FIZ1: variants seen among roughly 807,000 people sequenced by gnomAD.
FIZ1 encodes the protein FLT3 interacting zinc finger 1, also known as flt3-interacting zinc finger protein 1.
Under a neutral mutation model 5.3 loss-of-function variants are expected in FIZ1, and 2 were observed. That is an observed-to-expected ratio of 0.37 (90% CI 0.15 to 1.18). The LOEUF (loss-of-function observed/expected upper bound fraction) is 1.18, where lower values mean the gene tolerates loss of function less well. FIZ1 is among the 50% of genes most tolerant of loss of function. FIZ1 has a pLI of 0.37. For synonymous variants in FIZ1, 407 were observed against 364.2 expected (o/e 1.12, Z -1.34); for missense variants, 631 against 749.7 (o/e 0.84, Z 1.85).
chr19:55,591,900 G>A lies in FIZ1; in HGVS notation c.*550C>T, dbSNP rs1980019784. 6.5e-6 allele frequency: 1 copy of A among 153,178 alleles called. No individual in the cohort carries two copies. The highest frequency in any genetic ancestry group is 1.5e-5 in the Non-Finnish European group (1 of 68,506). The allele number at this position is 153,178 out of a possible 1,614,324, so 9.5% of individuals were successfully genotyped here. A position where few individuals can be genotyped will look rare whatever the true frequency, so the allele number is the denominator to read the frequency against. ...CTCTTTCAGCACAGGGAATGAAAAA[G>A]GGGAAAGGCAGATTTCGGCTATATC... On this transcript the variant is annotated 3_prime_UTR_variant, in exon 3 of 3. Transcript: ENST00000221665.
Position 55,593,123 on chromosome 19 carries a change from G to A in FIZ1, c.818C>T (p.Thr273Met). The change falls in exon 3 of 3, where the codon ACG (threonine) becomes ATG (methionine). Residue 273 changes from threonine (T) to methionine (M), a missense_variant. This residue lies in a region of FIZ1 where 463 missense variants were observed against 455.1 expected (regional missense o/e 1.02). Coordinates refer to ENST00000221665, the MANE Select transcript of FIZ1 (RefSeq NM_032836.3). The surrounding 1 kb of genome is among the most constrained non-coding windows in gnomAD (Gnocchi z 6.3). ...WAAGPGAGPE[T>M]AGEGTAAEAG... ...CTCCGCAGCGGTGCCTTCGCCCGCC[G>A]TCTCGGGCCCTGCGCCTGGCCCCGC... 4 of 1,255,572 alleles carry A rather than the reference G, an allele frequency of 3.2e-6. No homozygotes were observed. The highest frequency in any genetic ancestry group is 2.0e-5 in the South Asian group (1 of 50,812). 77.8% of individuals were successfully genotyped at this position (1,255,572 alleles called of 1,614,324 possible). A position where few individuals can be genotyped will look rare whatever the true frequency, so the allele number is the denominator to read the frequency against.
At chr19:55,597,943 C>T (rs1039045339) in intron 1 of FIZ1, 42 bp from the exon 2 acceptor site, 70 of 1,480,686 alleles carry the variant, frequency 4.7e-5, no homozygotes, top group Non-Finnish European at 5.7e-5. Flanking sequence ...AGGGGGTCGG[C>T]TCCCCATCAG....
In FIZ1 at chr19:55,593,445, A is replaced by G; in HGVS notation, c.496T>C (p.Ser166Pro). The change falls in exon 3 of 3, where the codon TCA (serine) becomes CCA (proline). Residue 166 changes from serine to proline, a missense_variant. Physicochemically the swap from Ser to Pro is moderately conservative, Grantham distance 74. Transcript: ENST00000221665. The surrounding 1 kb of genome is among the most constrained non-coding windows in gnomAD (Gnocchi z 6.3). ...NVGPCSVCGG[S>P]GAGGGEGPEG... Reference sequence around the variant, plus strand: ...GGGCCCTCTCCGCCGCCGGCCCCTGAGCCCCCGCACACCGAGCAGGGCCCC... The same window carrying G: ...GGGCCCTCTCCGCCGCCGGCCCCTGGGCCCCCGCACACCGAGCAGGGCCCC... 1 of 1,538,816 alleles carries G rather than the reference A, an allele frequency of 6.5e-7. No homozygotes were observed. The highest frequency in any genetic ancestry group is 2.2e-4 in the Middle Eastern group (1 of 4,464).
chr19:55,597,496 A>T, intron 2 of FIZ1, 76 bp downstream of exon 2: 1 of 1,503,736 alleles, frequency 6.7e-7, no homozygotes, highest in Non-Finnish European at 8.8e-7. Flanking sequence ...CCTTTTGCCC[A>T]GAGTACAGTG....
At chr19:55,594,145 T>C (rs1980198036) in intron 2 of FIZ1, among the ~76,000 whole-genome samples, 1 of 151,366 alleles carries the variant, frequency 6.6e-6, no homozygotes, top group South Asian at 2.1e-4. Flanking sequence ...TCCCAGCACT[T>C]TGGGAGGCTG....
chr19:55,596,672 TTG>T (rs1339400338), intron 2 of FIZ1, among the ~76,000 whole-genome samples: 1 of 135,284 alleles, frequency 7.4e-6, no homozygotes, highest in East Asian at 1.9e-4. Flanking sequence ...TTTGTATTTT[TTG>T]TTTGTTTGTT....
intron 1 of FIZ1, chr19:55,598,820 C>T (rs1382611535): frequency 6.6e-6 from 1 of 152,294 alleles, no homozygotes; most frequent in East Asian, 1.9e-4. Context: ...CCCTGCAAGT[C>T]CTTTCCACAT....
At position 55,593,188 on chromosome 19, in the gene FIZ1, G is replaced by A. The variant is rs760964854; in HGVS notation, c.753C>T (p.Asp251=). The A allele has an allele frequency of 2.5e-6, 3 of 1,189,118 alleles. No individual in the cohort carries two copies. Among genetic ancestry groups the A allele is most frequent in the Admixed American group, 4.5e-5 (1 of 22,098 alleles). 73.7% of individuals were successfully genotyped at this position (1,189,118 alleles called of 1,614,324 possible). Residue 251 remains aspartate, a synonymous_variant, in exon 3 of 3, where the codon GAC becomes GAT. Transcript: ENST00000221665. This position sits in a 1 kb window ranked among gnomAD's most constrained non-coding sequence, Gnocchi z 6.3. ...ALLERHKLTH[D]LQGPGAPPAQ... is the part of the protein sequence containing the mutation. ...CTGGGGGCGCGCCCGGGCCCTGCAGGTCGTGCGTCAGCTTGTGCCGCTCCA... is the reference window on the plus strand; with the variant it reads ...CTGGGGGCGCGCCCGGGCCCTGCAGATCGTGCGTCAGCTTGTGCCGCTCCA...
chr19:55,594,189 G>A (rs1332164451), intron 2 of FIZ1, among the ~76,000 whole-genome samples: 2 of 151,650 alleles, frequency 1.3e-5, no homozygotes, highest in African/African-American at 4.9e-5. Context: ...AAGAGTTCGA[G>A]ACCAACCTGA....
At chr19:55,594,579 C>T (rs1303713148) in intron 2 of FIZ1, among the ~76,000 whole-genome samples, 3 of 151,252 alleles carry the variant, frequency 2.0e-5, no homozygotes, top group African/African-American at 7.3e-5. Context: ...CGCCTGTAGT[C>T]CCAGCTACTC....
chr19:55,596,563 T>C (rs1266016511), intron 2 of FIZ1, among the ~76,000 whole-genome samples: 2 of 151,064 alleles, frequency 1.3e-5, no homozygotes, highest in African/African-American at 4.9e-5. Context: ...CCAGGGAGGA[T>C]TCCTCACACT....
chr19:55,592,665 G>T lies in FIZ1; in HGVS notation c.1276C>A (p.Pro426Thr). The change falls in exon 3 of 3, where the codon CCG becomes ACG. Residue 426 changes from proline to threonine, a missense_variant. Physicochemically the swap from Pro to Thr is conservative, Grantham distance 38. This residue lies in a region of FIZ1 where 463 missense variants were observed against 455.1 expected (regional missense o/e 1.02). Transcript: ENST00000221665. This position sits in a 1 kb window ranked among gnomAD's most constrained non-coding sequence, Gnocchi z 6.9. ...CSECEKLFRS[P>T]RDLERHVLVH... ...AGCACGTGCCGCTCCAGGTCTCGCG[G>T]TGAGCGGAACAGCTTCTCGCACTCG... The T allele has an allele frequency of 6.2e-7, 1 of 1,613,454 alleles. No homozygotes were observed. Among genetic ancestry groups the T allele is most frequent in the East Asian group, 2.2e-5 (1 of 44,866 alleles).
intron 1 of FIZ1, chr19:55,598,862 C>G (rs898702905): frequency 6.6e-6 from 1 of 152,200 alleles, no homozygotes; most frequent in Non-Finnish European, 1.5e-5. Flanking sequence ...TGCATTAAAC[C>G]CCTCCAAATT....
chr19:55,597,448 A>T, intron 2 of FIZ1, 124 bp downstream of exon 2: 1 of 1,434,288 alleles, frequency 7.0e-7, no homozygotes, highest in Non-Finnish European at 9.1e-7. Context: ...GACATTTTCT[A>T]ATGGGAGGAG....
At chr19:55,594,455 T>C (rs1313640022) in intron 2 of FIZ1, among the ~76,000 whole-genome samples, 7 of 147,044 alleles carry the variant, frequency 4.8e-5, no homozygotes, top group African/African-American at 1.8e-4. Context: ...CCTAGCACTT[T>C]GGGAGGCCGA....
In FIZ1 at chr19:55,592,961, T is replaced by A; in HGVS notation, c.980A>T (p.Glu327Val). 1 of 1,546,896 alleles carries A rather than the reference T, an allele frequency of 6.5e-7. No individual in the cohort carries two copies. Among genetic ancestry groups the A allele is most frequent in the South Asian group, 1.2e-5 (1 of 86,524 alleles). ...PAPAAAAEPS[E>V]DTLYQCDCGT... ...GCAGTCGCACTGGTACAGGGTGTCT[T>A]CCGAGGGCTCGGCGGCCGCCGCAGG... The change falls in exon 3 of 3, where the codon GAA (glutamate) becomes GTA (valine). Residue 327 changes from glutamate (E) to valine (V), a missense_variant. This residue lies in a region of FIZ1 where 463 missense variants were observed against 455.1 expected (regional missense o/e 1.02). Transcript: ENST00000221665. This position sits in a 1 kb window ranked among gnomAD's most constrained non-coding sequence, Gnocchi z 6.9.
Position 55,593,174 on chromosome 19 carries a change from C to A in FIZ1, c.767G>T (p.Gly256Val). ...HKLTHDLQGPGAPPAQAWAAG... is the reference protein window; with the variant it reads ...HKLTHDLQGPVAPPAQAWAAG... Reference sequence around the variant, plus strand: ...GGCCCAGGCCTGCGCTGGGGGCGCGCCCGGGCCCTGCAGGTCGTGCGTCAG... The same window carrying A: ...GGCCCAGGCCTGCGCTGGGGGCGCGACCGGGCCCTGCAGGTCGTGCGTCAG... Residue 256 changes from glycine to valine, a missense_variant, in exon 3 of 3, where the codon GGC becomes GTC. By Grantham distance (109) the Gly-to-Val change is moderately radical. This residue lies in a region of FIZ1 where 463 missense variants were observed against 455.1 expected (regional missense o/e 1.02). Transcript: ENST00000221665. The surrounding 1 kb of genome is among the most constrained non-coding windows in gnomAD (Gnocchi z 6.3). 1 of 1,164,626 alleles carries A rather than the reference C, an allele frequency of 8.6e-7. No individual in the cohort carries two copies. Among genetic ancestry groups the A allele is most frequent in the South Asian group, 2.5e-5 (1 of 40,088 alleles). 72.1% of individuals were successfully genotyped at this position (1,164,626 alleles called of 1,614,324 possible). A position where few individuals can be genotyped will look rare whatever the true frequency, so the allele number is the denominator to read the frequency against.
At chr19:55,596,874 T>G (rs1599990620) in intron 2 of FIZ1, among the ~76,000 whole-genome samples, 1 of 152,276 alleles carries the variant, frequency 6.6e-6, no homozygotes, top group South Asian at 2.1e-4. Flanking sequence ...AGTTTCACCA[T>G]GTTGTCCAGG....
chr19:55,596,914 G>A (rs895527644), intron 2 of FIZ1, among the ~76,000 whole-genome samples: 1 of 152,006 alleles, frequency 6.6e-6, no homozygotes, highest in African/African-American at 2.4e-5. Context: ...CTCATGATCT[G>A]CCCACCTCGG....
Sources: gnomAD v4.1 joint callset for allele counts (sites outside exome capture counted in the v4.1 genomes callset) on GRCh38, gnomAD v4.1.1 for gene constraint, gnomAD v4.1.1 regional missense constraint, Gnocchi (gnomAD v3.1) non-coding constraint, MANE v1.5 for transcripts, NCBI Gene and HGNC (gene_info 2026-07-23, HGNC 2026-07-21) for gene names.